The following PHF24 variants were observed in gnomAD, a reference collection of about 807,000 sequenced individuals.
The protein encoded by PHF24 is PHD finger protein 24, also known as Galpha inhibitory interacting protein.
Under a neutral mutation model 42.6 loss-of-function variants are expected in PHF24, and 25 were observed. The observed-to-expected ratio is 0.59, with a 90% CI of 0.43 to 0.82. The LOEUF (loss-of-function observed/expected upper bound fraction) is 0.82, where lower values mean the gene tolerates loss of function less well. PHF24 is among the 40% of genes least tolerant of loss of function. The probability of loss-of-function intolerance (pLI) is 0.00; values close to 1 mark genes in which losing one functional copy is unlikely to be tolerated. For synonymous variants in PHF24, 185 were observed against 204.8 expected, an observed-to-expected ratio of 0.90 and a Z score of 0.83; for missense variants, 470 against 538.1, an observed-to-expected ratio of 0.87 and a Z score of 1.25.
chr9:34,757,015 C>T, the PHF24 span, among the ~76,000 whole-genome samples: 1 of 152,234 alleles, frequency 6.6e-6, no homozygotes, highest in Admixed American at 6.5e-5. Flanking sequence ...AGCAATTCTC[C>T]TGCCTCAGCT....
chr9:34,866,817 G>C, the PHF24 span, among the ~76,000 whole-genome samples: 1 of 152,138 alleles, frequency 6.6e-6, no homozygotes, highest in African/African-American at 2.4e-5. Flanking sequence ...TAACTTACAT[G>C]CTATTTTTAG....
rs1020765458 is a variant in PHF24 at position 34,958,564 on chromosome 9, T to G, written c.-5+163T>G. 6.6e-6 allele frequency among the ~76,000 whole-genome samples: 1 copy of G among 152,060 alleles called. No homozygotes were observed. The highest frequency in any genetic ancestry group is 1.5e-5 in the Non-Finnish European group (1 of 67,982). On this transcript the variant is annotated intron_variant, in intron 1 of 7. Transcript: ENST00000242315. The surrounding 1 kb of genome is among the most constrained non-coding windows in gnomAD (Gnocchi z 4.5). ...CCCAAGTAGCTGCTGCCTCTACGCCTTGGGGGAGTCCCTGAGGTGCTGTGG... is the reference window on the plus strand; with the variant it reads ...CCCAAGTAGCTGCTGCCTCTACGCCGTGGGGGAGTCCCTGAGGTGCTGTGG...
the PHF24 span, among the ~76,000 whole-genome samples, chr9:34,884,970 G>C: frequency 1.4e-4 from 21 of 152,164 alleles, no homozygotes; most frequent in Non-Finnish European, 2.8e-4. Context: ...GGAAGGACCT[G>C]CTCCACCCAC....
the PHF24 span, among the ~76,000 whole-genome samples, chr9:34,938,264 G>A: frequency 6.6e-6 from 1 of 152,218 alleles, no homozygotes; most frequent in Non-Finnish European, 1.5e-5. Flanking sequence ...GGGAAGTTCA[G>A]CAAAGCAGCC....
the PHF24 span, among the ~76,000 whole-genome samples, chr9:34,863,184 G>A: frequency 6.6e-6 from 1 of 152,152 alleles, no homozygotes; most frequent in Admixed American, 6.5e-5. Context: ...TAGACTCACT[G>A]GGGGCTTGGA....
chr9:34,814,175 GTTAA>G, the PHF24 span, among the ~76,000 whole-genome samples: 1 of 152,184 alleles, frequency 6.6e-6, no homozygotes, highest in African/African-American at 2.4e-5. Flanking sequence ...GGGGGTCTTT[GTTAA>G]TTGATTTCCT....
chr9:34,825,901 T>C, the PHF24 span, among the ~76,000 whole-genome samples: 1 of 152,146 alleles, frequency 6.6e-6, no homozygotes, highest in Non-Finnish European at 1.5e-5. Context: ...ACCGTCTGGA[T>C]TCCCATGGGT....
the PHF24 span, among the ~76,000 whole-genome samples, chr9:34,904,652 C>G: frequency 1.3e-5 from 2 of 151,084 alleles, no homozygotes; most frequent in Admixed American, 6.6e-5. Flanking sequence ...ATTTTAGCAT[C>G]TATACTCATC....
At chr9:34,700,112 T>C in the PHF24 span, among the ~76,000 whole-genome samples, 2 of 152,056 alleles carry the variant, frequency 1.3e-5, no homozygotes, top group African/African-American at 4.8e-5. Context: ...ATCTGAGGAA[T>C]AGCAAGGAGG....
chr9:34,936,629 C>CCATCCCATCTAGGAAGTGAGGAGCGT, the PHF24 span, among the ~76,000 whole-genome samples: 2 of 150,682 alleles, frequency 1.3e-5, no homozygotes, highest in African/African-American at 4.9e-5. Flanking sequence ...GTGAGGAGCG[C>CCATCCCATCTAGGAAGTGAGGAGCGT]CTCTTCCCGG....
the PHF24 span, among the ~76,000 whole-genome samples, chr9:34,809,525 A>G: frequency 5.3e-5 from 8 of 152,198 alleles, no homozygotes; most frequent in Non-Finnish European, 1.2e-4. The surrounding 1 kb of genome is among the most constrained non-coding windows in gnomAD (Gnocchi z 4.1). Context: ...TACTCTCAGG[A>G]AACAGTGCAC....
chr9:34,928,574 A>G, the PHF24 span, among the ~76,000 whole-genome samples: 1 of 152,060 alleles, frequency 6.6e-6, no homozygotes, highest in Admixed American at 6.6e-5. Context: ...TTCTCCCTCC[A>G]TCTTTTCATG....
the PHF24 span, among the ~76,000 whole-genome samples, chr9:34,695,698 G>C: frequency 6.6e-6 from 1 of 152,176 alleles, no homozygotes; most frequent in East Asian, 1.9e-4. Context: ...CTGAGGAACT[G>C]TCTGCCAGAT....
the PHF24 span, among the ~76,000 whole-genome samples, chr9:34,840,470 T>TCCTCCTCCTCCTTCTTCTTCC: frequency 1.3e-5 from 2 of 151,602 alleles, no homozygotes; most frequent in African/African-American, 4.8e-5. Flanking sequence ...CTTCTTCTTC[T>TCCTCCTCCTCCTTCTTCTTCC]CCTCCTCCTC....
At chr9:34,866,611 A>C in the PHF24 span, among the ~76,000 whole-genome samples, 1 of 152,210 alleles carries the variant, frequency 6.6e-6, no homozygotes. Context: ...AGGTGGCATC[A>C]ACCCTAATAA....
the PHF24 span, chr9:34,724,448 T>G: frequency 1.0e-5 from 16 of 1,551,540 alleles, no homozygotes; most frequent in Middle Eastern, 3.3e-4. Flanking sequence ...GTTTAGACTT[T>G]CAAGAGACTT....
the PHF24 span, among the ~76,000 whole-genome samples, chr9:34,778,771 G>C: frequency 3.3e-5 from 5 of 152,170 alleles, no homozygotes; most frequent in African/African-American, 9.6e-5. Context: ...CTAGACCTAA[G>C]AGACATCTAT....
chr9:34,745,821 G>A, the PHF24 span, among the ~76,000 whole-genome samples: 1 of 151,972 alleles, frequency 6.6e-6, no homozygotes, highest in Non-Finnish European at 1.5e-5. Flanking sequence ...AGTTGATTCA[G>A]ACCATTTCTC....
intron 3 of PHF24, among the ~76,000 whole-genome samples, chr9:34,973,289 A>G (rs1827071226): frequency 6.6e-6 from 1 of 152,196 alleles, no homozygotes; most frequent in South Asian, 2.1e-4. Flanking sequence ...AGATTCTATC[A>G]CAGGAAAACT....
Sources: allele counts gnomAD v4.1 joint callset (sites outside exome capture counted in the v4.1 genomes callset), GRCh38; gene constraint gnomAD v4.1.1; non-coding constraint Gnocchi (gnomAD v3.1); transcripts MANE v1.5; gene names NCBI Gene and HGNC (gene_info 2026-07-23, HGNC 2026-07-21).